SLC38A6: variants seen among roughly 807,000 people sequenced by gnomAD.
The protein encoded by SLC38A6 is solute carrier family 38 member 6.
SLC38A6 carries 73 observed loss-of-function variants against 65.0 expected under a neutral mutation model. The observed-to-expected ratio is 1.12, with a 90% CI of 0.93 to 1.37. The LOEUF (loss-of-function observed/expected upper bound fraction) is 1.37, where lower values mean the gene tolerates loss of function less well. Ranked by LOEUF, SLC38A6 falls within the 40% of genes most tolerant of loss-of-function variation. SLC38A6 has a pLI of 0.00. For missense variants in SLC38A6, 561 were observed against 531.1 expected (o/e 1.06, Z -0.55); for synonymous variants, 183 against 178.8 (o/e 1.02, Z -0.19).
At chr14:61,067,481 G>A (rs755307665) in intron 15 of SLC38A6, among the ~76,000 whole-genome samples, 6 of 152,186 alleles carry the variant, frequency 3.9e-5, no homozygotes, top group Non-Finnish European at 8.8e-5. Flanking sequence ...CACTACTGAT[G>A]TATTTTTCCC....
At chr14:61,026,396 T>C (rs1329795222) in intron 5 of SLC38A6, among the ~76,000 whole-genome samples, 1 of 152,068 alleles carries the variant, frequency 6.6e-6, no homozygotes, top group Non-Finnish European at 1.5e-5. Context: ...TGAAACTCCA[T>C]GAATTTTGAA....
chr14:61,004,037 A>C (rs182026501), intron 3 of SLC38A6, among the ~76,000 whole-genome samples: 4 of 152,178 alleles, frequency 2.6e-5, no homozygotes, highest in African/African-American at 9.6e-5. Context: ...AATGTATCCC[A>C]TTATTGTCAG....
At chr14:61,070,155 AC>A (rs1457882301) in intron 15 of SLC38A6, among the ~76,000 whole-genome samples, 2 of 152,206 alleles carry the variant, frequency 1.3e-5, no homozygotes, top group Non-Finnish European at 2.9e-5. Flanking sequence ...GATACCTAAA[AC>A]TTTTTCATCC....
rs768868709 is a variant in SLC38A6 at position 61,037,671 on chromosome 14, C to G, written c.612C>G (p.Phe204Leu). The G allele has an allele frequency of 1.3e-6, 2 of 1,589,204 alleles. No homozygotes were observed. The highest frequency in any genetic ancestry group is 1.7e-6 in the Non-Finnish European group (2 of 1,163,132). Reference sequence around the variant, plus strand: ...GTTTATCATTTTTCTTTATGATGTTCTTTGCTCTTGTGGTAAGTTTAAAAT... The same window carrying G: ...GTTTATCATTTTTCTTTATGATGTTGTTTGCTCTTGTGGTAAGTTTAAAAT... ...TSSLSFFFMM[F>L]FALVVIIKKW... is the part of the protein sequence containing the mutation. Residue 204 changes from phenylalanine (F) to leucine (L), a missense_variant, in exon 8 of 16, where the codon TTC (phenylalanine) becomes TTG (leucine). Coordinates refer to ENST00000267488, the MANE Select transcript of SLC38A6 (RefSeq NM_153811.3).
At chr14:61,015,729 G>A (rs1355082754) in intron 3 of SLC38A6, among the ~76,000 whole-genome samples, 175 bp from the exon 4 acceptor site, 3 of 152,146 alleles carry the variant, frequency 2.0e-5, no homozygotes, top group Non-Finnish European at 4.4e-5. Context: ...CCTTTTTAGT[G>A]TTGCCTTTAT....
intron 3 of SLC38A6, among the ~76,000 whole-genome samples, chr14:61,012,057 C>T (rs1027074521): frequency 1.3e-4 from 20 of 152,158 alleles, no homozygotes; most frequent in African/African-American, 4.8e-4. Context: ...GCCTCAATTT[C>T]AGAGCCTGTT....
chr14:61,006,527 T>C (rs1277986513), intron 3 of SLC38A6, among the ~76,000 whole-genome samples: 12 of 152,186 alleles, frequency 7.9e-5, no homozygotes, highest in South Asian at 2.1e-4. Flanking sequence ...CATGAACAGA[T>C]ACTTCTCAAA....
intron 16 of SLC38A6, chr14:61,083,545 G>C (rs753147365): frequency 6.5e-6 from 10 of 1,548,272 alleles, no homozygotes; most frequent in Non-Finnish European, 8.7e-6. Flanking sequence ...TGGTGTTCTT[G>C]TAAGAAAAGG....
chr14:61,074,155 G>A (rs1225397686), intron 15 of SLC38A6, among the ~76,000 whole-genome samples: 2 of 152,124 alleles, frequency 1.3e-5, no homozygotes, highest in African/African-American at 2.4e-5. Context: ...ACTGTGTGGT[G>A]GGTGGGCACC....
chr14:61,000,161 T>C (rs1461552857), intron 3 of SLC38A6, among the ~76,000 whole-genome samples: 1 of 152,238 alleles, frequency 6.6e-6, no homozygotes, highest in Non-Finnish European at 1.5e-5. Flanking sequence ...TTAATATATA[T>C]TCAAACCATT....
intron 3 of SLC38A6, chr14:60,987,163 C>CT: frequency 4.8e-6 from 1 of 209,278 alleles, no homozygotes; most frequent in South Asian, 5.6e-5. Context: ...TGGAGGTAGG[C>CT]TTTTCCTTTT....
chr14:61,047,656 T>C (rs1958267), intron 12 of SLC38A6, among the ~76,000 whole-genome samples: 141,711 of 152,084 alleles, frequency 0.93, 66,409 homozygotes, highest in Non-Finnish European at 0.99. Flanking sequence ...TCTAGGCATC[T>C]ATCTATGTAT....
chr14:61,034,219 G>C (rs755369574), intron 6 of SLC38A6: 31 of 152,270 alleles, frequency 2.0e-4, no homozygotes, highest in Non-Finnish European at 3.4e-4. Flanking sequence ...CTGGTGTACA[G>C]AATTTCAAAA....
At chr14:61,014,220 G>C (rs1347663755) in intron 3 of SLC38A6, among the ~76,000 whole-genome samples, 1 of 152,110 alleles carries the variant, frequency 6.6e-6, no homozygotes, top group Non-Finnish European at 1.5e-5. Flanking sequence ...CTCGTGCCGT[G>C]GTTTTCAGCT....
At chr14:61,040,053 CT>C (rs536955066) in intron 8 of SLC38A6, among the ~76,000 whole-genome samples, 6 of 150,614 alleles carry the variant, frequency 4.0e-5, no homozygotes, top group African/African-American at 9.7e-5. Context: ...GGTAAATTTA[CT>C]TTTTTTTTGG....
chr14:61,023,073 T>A (rs1012482563), intron 5 of SLC38A6, among the ~76,000 whole-genome samples: 1 of 152,220 alleles, frequency 6.6e-6, no homozygotes, highest in Admixed American at 6.5e-5. Flanking sequence ...AAGTAGTATT[T>A]GTTGAATGAA....
At chr14:61,026,070 A>G (rs2040593570) in intron 5 of SLC38A6, among the ~76,000 whole-genome samples, 1 of 152,160 alleles carries the variant, frequency 6.6e-6, no homozygotes, top group South Asian at 2.1e-4. Flanking sequence ...CATATATTTT[A>G]CATGTTTAAC....
chr14:61,002,299 T>C (rs189719524), intron 3 of SLC38A6: 1 of 152,046 alleles, frequency 6.6e-6, no homozygotes, highest in Admixed American at 6.5e-5. Context: ...GCATAGTGAA[T>C]ATTCAAAAAA....
At chr14:61,065,581 A>G (rs899975937) in intron 15 of SLC38A6, among the ~76,000 whole-genome samples, 2 of 152,230 alleles carry the variant, frequency 1.3e-5, no homozygotes, top group African/African-American at 4.8e-5. Context: ...AGCAGAGATC[A>G]GTTGAAAAAG....
Sources: allele counts gnomAD v4.1 joint callset (sites outside exome capture counted in the v4.1 genomes callset), GRCh38; gene constraint gnomAD v4.1.1; transcripts MANE v1.5; gene names NCBI Gene and HGNC (gene_info 2026-07-23, HGNC 2026-07-21).